FAT4: variants seen among roughly 807,000 people sequenced by gnomAD.
FAT4 encodes protocadherin Fat 4.
A neutral mutation model predicts 303.9 loss-of-function variants in FAT4; 84 were observed. The ratio of observed to expected loss-of-function variants is 0.28; its 90% confidence interval spans 0.23 to 0.33. The LOEUF (loss-of-function observed/expected upper bound fraction) is 0.33, where lower values mean the gene tolerates loss of function less well. Among genes scored for constraint, FAT4 ranks in the 10% least tolerant of loss-of-function variants. FAT4 has a pLI of 1.00. For synonymous variants in FAT4, 2,307 were observed against 2,298.8 expected, an observed-to-expected ratio of 1.00 and a Z score of -0.10; for missense variants, 6,005 against 6,146.8, an observed-to-expected ratio of 0.98 and a Z score of 0.77.
rs1727673793 is a variant in FAT4, at chr4:125,492,088, G to GA, written c.*324dup. ...AAAAATTGATACCTTTACCATTGCA[G>GA]AAAAGAACTTGTGCTTTCCCAGTGG... On this transcript the variant is annotated 3_prime_UTR_variant, in exon 18 of 18. Transcript: ENST00000394329. 1 of 259,456 alleles carries GA rather than the reference G, an allele frequency of 3.9e-6. No individual in the cohort carries two copies. The highest frequency in any genetic ancestry group is 4.9e-5 in the Admixed American group (1 of 20,498). 16.1% of individuals were successfully genotyped at this position (259,456 alleles called of 1,614,324 possible).
intron 2 of FAT4, among the ~76,000 whole-genome samples, chr4:125,360,805 T>C (rs1329277139): frequency 6.6e-6 from 1 of 151,818 alleles, no homozygotes; most frequent in Non-Finnish European, 1.5e-5. Context: ...TCATTAAAAG[T>C]TTAGTTTACT....
rs751700479 is a variant in FAT4 at position 125,321,230 on chromosome 4, G to T, written c.4819G>T (p.Gly1607Trp). The T allele has an allele frequency of 6.2e-7, 1 of 1,614,124 alleles. No individual in the cohort carries two copies. The highest frequency in any genetic ancestry group is 8.5e-7 in the Non-Finnish European group (1 of 1,180,014). ...YNLIVSATDL[G>W]PERRKSTTEL... is the part of the protein sequence containing the mutation. ...TCTCATAGTTTCAGCAACAGACCTT[G>T]GGCCTGAAAGGAGGAAATCGACCAC... Residue 1607 changes from glycine (G) to tryptophan (W), a missense_variant, in exon 2 of 18, where the codon GGG becomes TGG. Gly to Trp is a radical substitution (Grantham distance 184, BLOSUM62 -2). Coordinates refer to ENST00000394329, the MANE Select transcript of FAT4 (RefSeq NM_001291303.3).
At chr4:125,344,169 G>C (rs1731909940) in intron 2 of FAT4, among the ~76,000 whole-genome samples, 1 of 152,112 alleles carries the variant, frequency 6.6e-6, no homozygotes, top group Admixed American at 6.6e-5. Flanking sequence ...GATTGCATTT[G>C]GATTTCGAAT....
In FAT4 at chr4:125,398,672, G is replaced by A. The variant is rs950361837; in HGVS notation, c.5176-112G>A. 1.3e-5 allele frequency: 13 copies of A among 1,018,922 alleles called. No homozygotes were observed. The East Asian group carries it at 2.7e-4, about 21-fold the overall frequency. 63.1% of individuals were successfully genotyped at this position (1,018,922 alleles called of 1,614,324 possible). The stretch of plus-strand genomic sequence containing the variant: ...CTGTTGTTTGGATGTTAGATGCAAA[G>A]GTTCCAATTCATTTTGGCAGTCTTG... On this transcript the variant is annotated intron_variant, in intron 2 of 17. Transcript: ENST00000394329.
Position 125,445,121 on chromosome 4 carries a change from C to T in FAT4, c.7200-1172C>T, listed in dbSNP as rs189299181. Reference sequence around the variant, plus strand: ...CCAAGCATATTAAAAATCTGAGTGACACAAAGTATTTTATCAATACTGAAG... The same window carrying T: ...CCAAGCATATTAAAAATCTGAGTGATACAAAGTATTTTATCAATACTGAAG... On this transcript the variant is annotated intron_variant, in intron 8 of 17. Transcript: ENST00000394329. 1.7e-3 allele frequency among the ~76,000 whole-genome samples: 256 copies of T among 152,166 alleles called. 1 individual carries two copies. The highest frequency in any genetic ancestry group is 7.9e-4 in the Non-Finnish European group (54 of 67,978).
chr4:125,374,610 A>G (rs1471390526), intron 2 of FAT4, among the ~76,000 whole-genome samples: 2 of 152,226 alleles, frequency 1.3e-5, no homozygotes, highest in Non-Finnish European at 2.9e-5. Flanking sequence ...TTTAAAGGGT[A>G]CAATGTAGTT....
chr4:125,325,311 G>A (rs150691786), intron 2 of FAT4, among the ~76,000 whole-genome samples: 1 of 152,158 alleles, frequency 6.6e-6, no homozygotes, highest in East Asian at 1.9e-4. Context: ...TAACTGATAA[G>A]GAATTTATCA....
intron 7 of FAT4, among the ~76,000 whole-genome samples, chr4:125,425,811 A>G (rs1386339898): frequency 6.6e-6 from 1 of 152,058 alleles, no homozygotes; most frequent in African/African-American, 2.4e-5. Context: ...GGATATAGAG[A>G]TTCTGTCTCT....
Position 125,451,802 on chromosome 4 carries a change from T to A in FAT4, c.10792T>A (p.Ser3598Thr). 1 of 1,614,144 alleles carries A rather than the reference T, an allele frequency of 6.2e-7. No homozygotes were observed. Among genetic ancestry groups the A allele is most frequent in the East Asian group, 2.2e-5 (1 of 44,878 alleles). The change falls in exon 10 of 18, where the codon TCC becomes ACC. Residue 3598 changes from serine (S) to threonine (T), a missense_variant. Transcript: ENST00000394329. Reference protein sequence around the residue: ...TKDSGVPQMSSTGTVHITVID... With the variant: ...TKDSGVPQMSTTGTVHITVID... ...GGATTCTGGTGTTCCTCAAATGTCT[T>A]CCACAGGAACTGTGCATATCACAGT...
intron 2 of FAT4, among the ~76,000 whole-genome samples, chr4:125,375,339 T>C (rs1047690644): frequency 1.3e-5 from 2 of 152,324 alleles, no homozygotes; most frequent in African/African-American, 2.4e-5. Flanking sequence ...ATTTCTAATG[T>C]ATATGTTTGG....
In FAT4 at chr4:125,318,685, T is replaced by C. The variant is rs1486533595; in HGVS notation, c.2274T>C (p.Ala758=). The change falls in exon 2 of 18, where the codon GCT becomes GCC. Residue 758 remains alanine (A), a synonymous_variant. Transcript: ENST00000394329. ...CCCTAGACAGAGAAGAAAAAACAGCTTATCAGTTGCAAATAGTAGCTACTG... is the reference window on the plus strand; with the variant it reads ...CCCTAGACAGAGAAGAAAAAACAGCCTATCAGTTGCAAATAGTAGCTACTG... ...RMALDREEKT[A]YQLQIVATDG... 6.2e-7 allele frequency: 1 copy of C among 1,614,116 alleles called. No homozygotes were observed. The highest frequency in any genetic ancestry group is 1.1e-5 in the South Asian group (1 of 91,072).
chr4:125,326,576 A>G (rs1330594917), intron 2 of FAT4, among the ~76,000 whole-genome samples: 1 of 152,124 alleles, frequency 6.6e-6, no homozygotes, highest in Non-Finnish European at 1.5e-5. Flanking sequence ...TAGAAAGAAA[A>G]CCATATCCAG....
chr4:125,488,351 C>T (rs1727485566), intron 17 of FAT4, among the ~76,000 whole-genome samples: 1 of 152,116 alleles, frequency 6.6e-6, no homozygotes, highest in Non-Finnish European at 1.5e-5. Flanking sequence ...ACTTTAATCA[C>T]AGTAGGATCA....
Position 125,321,500 on chromosome 4 carries a change from G to A in FAT4, c.5089G>A (p.Asp1697Asn). 1.2e-6 allele frequency: 2 copies of A among 1,614,088 alleles called. No homozygotes were observed. Among genetic ancestry groups the A allele is most frequent in the East Asian group, 2.2e-5 (1 of 44,864 alleles). Residue 1697 changes from aspartate (D) to asparagine (N), a missense_variant, in exon 2 of 18, where the codon GAC becomes AAC. By Grantham distance (23) the Asp-to-Asn change is conservative (BLOSUM62 1). Transcript: ENST00000394329. ...TGIIQTAAIL[D>N]REQGACLYLV... ...TATAATTCAGACCGCAGCCATTCTG[G>A]ACCGGGAGCAAGGAGCATGTCTTTA...
chr4:125,332,951 T>C (rs922535878), intron 2 of FAT4, among the ~76,000 whole-genome samples: 8 of 152,038 alleles, frequency 5.3e-5, no homozygotes, highest in African/African-American at 1.9e-4. Context: ...TGTTTTATGG[T>C]ATATACATTT....
At chr4:125,389,418 G>A (rs546248447) in intron 2 of FAT4, among the ~76,000 whole-genome samples, 3 of 151,966 alleles carry the variant, frequency 2.0e-5, no homozygotes, top group Non-Finnish European at 1.5e-5. Context: ...ATTTAAATAC[G>A]CATTTTCTAG....
intron 7 of FAT4, among the ~76,000 whole-genome samples, chr4:125,422,833 G>T (rs1396924461): frequency 6.6e-6 from 1 of 152,152 alleles, no homozygotes; most frequent in Non-Finnish European, 1.5e-5. Flanking sequence ...GGAAAGTTTG[G>T]AACTTCCTAC....
intron 2 of FAT4, among the ~76,000 whole-genome samples, chr4:125,336,594 T>C (rs1650661322): frequency 6.6e-6 from 1 of 152,014 alleles, no homozygotes; most frequent in African/African-American, 2.4e-5. Flanking sequence ...AAACACTTAG[T>C]AAAGATAAAT....
chr4:125,416,729 T>G, intron 7 of FAT4, 107 bp downstream of exon 7: 4 of 1,116,386 alleles, frequency 3.6e-6, no homozygotes, highest in Non-Finnish European at 5.2e-6. Context: ...ATGGATTACT[T>G]GAGGTCGGGA....
Sources: gnomAD v4.1 joint callset for allele counts (sites outside exome capture counted in the v4.1 genomes callset) on GRCh38, gnomAD v4.1.1 for gene constraint, MANE v1.5 for transcripts, NCBI Gene and HGNC (gene_info 2026-07-23, HGNC 2026-07-21) for gene names.